The following KIF9 variants were observed in gnomAD, a reference collection of about 807,000 sequenced individuals.
KIF9 encodes the protein kinesin family member 9, also known as kinesin-like protein KIF9.
A neutral mutation model predicts 94.8 loss-of-function variants in KIF9; 68 were observed. The ratio of observed to expected loss-of-function variants is 0.72; its 90% CI spans 0.59 to 0.88. The LOEUF is 0.88. Ranked by LOEUF, KIF9 falls within the 40% of genes least tolerant of loss-of-function variation. KIF9 has a pLI of 0.00. For synonymous variants in KIF9, 343 were observed against 362.1 expected (o/e 0.95, Z 0.60); for missense variants, 882 against 982.5 (o/e 0.90, Z 1.37).
chr3:47,246,103 CAAG>C, intron 13 of KIF9, 91 bp downstream of exon 13: 5 of 985,164 alleles, frequency 5.1e-6, no homozygotes, highest in African/African-American at 2.8e-5. Context: ...CATCCACAAG[CAAG>C]AAGAGGAGCT....
chr3:47,260,961 A>T (rs1700932922), intron 9 of KIF9, among the ~76,000 whole-genome samples: 1 of 152,164 alleles, frequency 6.6e-6, no homozygotes, highest in South Asian at 2.1e-4. Context: ...CTCTGGGAGG[A>T]GGCTCAGTGG....
chr3:47,261,960 C>T (rs1246787766), intron 9 of KIF9, among the ~76,000 whole-genome samples: 1 of 152,230 alleles, frequency 6.6e-6, no homozygotes, highest in Non-Finnish European at 1.5e-5. Context: ...TTTAAAGTTT[C>T]AACACATTTG....
At chr3:47,247,072 G>C (rs1699971223) in intron 12 of KIF9, among the ~76,000 whole-genome samples, 1 of 152,172 alleles carries the variant, frequency 6.6e-6, no homozygotes, top group Non-Finnish European at 1.5e-5. Context: ...TCCCCACTCT[G>C]TTTCCCTCCC....
Position 47,253,858 on chromosome 3 carries a change from T to C in KIF9, c.1059+3625A>G, listed in dbSNP as rs145023227. On this transcript the variant is annotated intron_variant, in intron 10 of 20. Coordinates refer to ENST00000684063, the MANE Select transcript of KIF9 (RefSeq NM_182902.4). The stretch of plus-strand genomic sequence containing the variant: ...CTATAAAGAGTCACTATTTAATCCT[T>C]ATTACAATAAGTCTATAAAGAGACT... 7.8e-4 allele frequency among the ~76,000 whole-genome samples: 119 copies of C among 152,322 alleles called. 2 individuals carry two copies. Among genetic ancestry groups the C allele is most frequent in the African/African-American group, 2.7e-3 (111 of 41,570 alleles).
rs189770175 is a variant in KIF9 at position 47,235,869 on chromosome 3, G to A, written c.2217+165C>T. Among the ~76,000 whole-genome samples, 9 of 152,332 alleles carry A rather than the reference G, an allele frequency of 5.9e-5. No individual in the cohort carries two copies. In the East Asian group the frequency reaches 1.5e-3, roughly 26 times the overall value. On this transcript the variant is annotated intron_variant, in intron 19 of 20. Transcript: ENST00000684063. Reference sequence around the variant, plus strand: ...AGAGTGGTATTTTCCCCCATTCCTTGATAACCGAGGAGAGACCTGTACCTG... The same window carrying A: ...AGAGTGGTATTTTCCCCCATTCCTTAATAACCGAGGAGAGACCTGTACCTG...
chr3:47,275,495 GA>G lies in KIF9; in HGVS notation c.94-6del. Reference sequence around the variant, plus strand: ...TTTTAAGTGAATATCAATGCTCTAGGAAAAAAGAGTGAGAAAGAAAAAAATG... The same window carrying G: ...TTTTAAGTGAATATCAATGCTCTAGGAAAAAGAGTGAGAAAGAAAAAAATG... On this transcript the variant is annotated splice_region_variant and splice_polypyrimidine_tract_variant and intron_variant, in intron 2 of 20. Transcript: ENST00000684063. 1.9e-6 allele frequency: 3 copies of G among 1,589,426 alleles called. No homozygotes were observed. The highest frequency in any genetic ancestry group is 1.9e-5 in the Admixed American group (1 of 52,596).
intron 20 of KIF9, among the ~76,000 whole-genome samples, 157 bp downstream of exon 20, chr3:47,235,356 G>T (rs774644996): frequency 6.6e-5 from 10 of 152,152 alleles, no homozygotes; most frequent in Non-Finnish European, 1.3e-4. Context: ...CAGCCCAATT[G>T]CAGTCTAGTT....
intron 17 of KIF9, among the ~76,000 whole-genome samples, chr3:47,239,073 G>A (rs987934651): frequency 2.3e-4 from 35 of 152,182 alleles, no homozygotes; most frequent in African/African-American, 8.4e-4. Flanking sequence ...TGGCGGGTAT[G>A]CCTGTAATCG....
At chr3:47,267,132 G>A (rs752726871) in intron 6 of KIF9, 48 bp downstream of exon 6, 7 of 1,599,080 alleles carry the variant, frequency 4.4e-6, no homozygotes, top group South Asian at 3.3e-5. Flanking sequence ...AGCAGGCCCC[G>A]TGGGAATTGA....
rs1346321206 is a variant in KIF9, at chr3:47,236,135, A to T, written c.2116T>A (p.Tyr706Asn). 2 of 1,613,486 alleles carry T rather than the reference A, an allele frequency of 1.2e-6. No homozygotes were observed. Among genetic ancestry groups the T allele is most frequent in the African/African-American group, 1.3e-5 (1 of 74,906 alleles). The change falls in exon 19 of 21, where the codon TAC becomes AAC. Residue 706 changes from tyrosine (Y) to asparagine (N), a missense_variant. Coordinates refer to ENST00000684063, the MANE Select transcript of KIF9 (RefSeq NM_182902.4). ...HRLLMEFDIW[Y>N]NESFVIPEDM... The stretch of plus-strand genomic sequence containing the variant: ...TCAGGGATGACAAAGGACTCATTGT[A>T]CCAGATGTCAAATTCTACAAGGAGG...
intron 11 of KIF9, 75 bp from the exon 12 acceptor site, chr3:47,247,552 G>C: frequency 8.6e-7 from 1 of 1,162,646 alleles, no homozygotes; most frequent in Non-Finnish European, 1.3e-6. Context: ...GGGCCATTCT[G>C]AGAGGCAAAG....
intron 16 of KIF9, among the ~76,000 whole-genome samples, chr3:47,242,608 T>A (rs934026352): frequency 6.6e-6 from 1 of 152,246 alleles, no homozygotes; most frequent in Admixed American, 6.5e-5. Flanking sequence ...ATATTTTGCT[T>A]TTTAAATAAA....
intron 14 of KIF9, 37 bp from the exon 15 acceptor site, chr3:47,244,961 A>G: frequency 6.2e-7 from 1 of 1,612,206 alleles, no homozygotes; most frequent in Non-Finnish European, 8.5e-7. Context: ...TGTGAGTTAG[A>G]TTAAGGGCTT....
chr3:47,268,912 C>A (rs1194732333), intron 5 of KIF9, among the ~76,000 whole-genome samples: 3 of 152,086 alleles, frequency 2.0e-5, no homozygotes, highest in African/African-American at 7.2e-5. Context: ...AGTCCCCCTT[C>A]TGAAGTACCC....
chr3:47,271,696 T>C (rs1701658602), intron 4 of KIF9, among the ~76,000 whole-genome samples: 1 of 152,102 alleles, frequency 6.6e-6, no homozygotes, highest in South Asian at 2.1e-4. Context: ...GACTCTGGAG[T>C]GAGGATTTCT....
At chr3:47,260,163 T>A in intron 9 of KIF9, among the ~76,000 whole-genome samples, 1 of 129,688 alleles carries the variant, frequency 7.7e-6, no homozygotes, top group Non-Finnish European at 1.6e-5. Flanking sequence ...TGTAAAGCAT[T>A]GAGATGTTTA....
At chr3:47,242,597 T>A (rs1305654849) in intron 16 of KIF9, among the ~76,000 whole-genome samples, 1 of 152,244 alleles carries the variant, frequency 6.6e-6, no homozygotes, top group Non-Finnish European at 1.5e-5. Context: ...CAAAAATGTA[T>A]ATATTTTGCT....
chr3:47,274,995 G>A (rs906494346), intron 3 of KIF9, among the ~76,000 whole-genome samples: 1 of 152,324 alleles, frequency 6.6e-6, no homozygotes, highest in African/African-American at 2.4e-5. Context: ...AGGAAGCTGA[G>A]AGACAAATGT....
chr3:47,252,528 T>C (rs1172039676), intron 10 of KIF9, among the ~76,000 whole-genome samples: 1 of 151,982 alleles, frequency 6.6e-6, no homozygotes, highest in Non-Finnish European at 1.5e-5. Flanking sequence ...GCCCAGGCAG[T>C]TGAGGCTGCA....
Sources: gnomAD v4.1 joint callset for allele counts (sites outside exome capture counted in the v4.1 genomes callset) on GRCh38, gnomAD v4.1.1 for gene constraint, MANE v1.5 for transcripts, NCBI Gene and HGNC (gene_info 2026-07-23, HGNC 2026-07-21) for gene names.